Variants in SMYD3 observed in about 807,000 individuals in gnomAD.
The protein encoded by SMYD3 is histone-lysine N-methyltransferase SMYD3.
A neutral mutation model predicts 57.7 loss-of-function variants in SMYD3; 36 were observed. The observed-to-expected ratio is 0.62, with a 90% CI of 0.48 to 0.82. SMYD3 has a LOEUF of 0.82. Ranked by LOEUF, SMYD3 falls within the 40% of genes least tolerant of loss-of-function variation. The pLI is 0.00. For missense variants in SMYD3, 515 were observed against 538.8 expected (o/e 0.96, Z 0.44); for synonymous variants, 211 against 195.0 (o/e 1.08, Z -0.68).
chr1:246,471,299 A>G (rs112286200), intron 1 of SMYD3, among the ~76,000 whole-genome samples: 4 of 152,224 alleles, frequency 2.6e-5, no homozygotes, highest in African/African-American at 4.8e-5. Context: ...CCTGGGCTCA[A>G]GTGATCCTCC....
In SMYD3 at chr1:246,472,617, G is replaced by A. The variant is rs529440875; in HGVS notation, c.164+34437C>T. Among the ~76,000 whole-genome samples, 109 of 151,974 alleles carry A rather than the reference G, an allele frequency of 7.2e-4. 2 individuals are homozygous for A. The South Asian group carries it at 9.0e-3, about 13-fold the overall frequency. On this transcript the variant is annotated intron_variant, in intron 1 of 11. Coordinates refer to ENST00000490107, the MANE Select transcript of SMYD3 (RefSeq NM_001167740.2). ...AACTTAGCTGGGCATGCTGGCATGC[G>A]CCTGTAGTCCCAGCTACTGGGGAGG... is the stretch of plus-strand genomic sequence containing the variant.
intron 5 of SMYD3, among the ~76,000 whole-genome samples, chr1:246,215,425 TTGG>T (rs2148405465): frequency 6.6e-6 from 1 of 152,262 alleles, no homozygotes; most frequent in African/African-American, 2.4e-5. Flanking sequence ...TATTTCTTAC[TTGG>T]CGCTCATTAC....
At chr1:246,462,659 G>C (rs1252721283) in intron 1 of SMYD3, among the ~76,000 whole-genome samples, 3 of 152,156 alleles carry the variant, frequency 2.0e-5, no homozygotes, top group Non-Finnish European at 2.9e-5. Flanking sequence ...AGAAGGGTCA[G>C]AACTGGAGGG....
intron 11 of SMYD3, among the ~76,000 whole-genome samples, chr1:245,760,274 G>C (rs893313820): frequency 2.0e-5 from 3 of 152,162 alleles, no homozygotes; most frequent in Non-Finnish European, 1.5e-5. Flanking sequence ...TTATTTCCAG[G>C]GTTTCTAAGA....
intron 10 of SMYD3, among the ~76,000 whole-genome samples, chr1:245,779,704 C>T (rs2046754619): frequency 6.6e-6 from 1 of 152,132 alleles, no homozygotes; most frequent in African/African-American, 2.4e-5. Context: ...TGGCTAAAAT[C>T]AAACAAACTA....
chr1:246,136,698 C>T (rs2061670609), intron 5 of SMYD3, among the ~76,000 whole-genome samples: 1 of 152,096 alleles, frequency 6.6e-6, no homozygotes, highest in African/African-American at 2.4e-5. Context: ...AATGAACCAA[C>T]ATAGGAACCA....
chr1:245,817,407 C>G (rs1179092687), intron 10 of SMYD3, among the ~76,000 whole-genome samples: 2 of 148,472 alleles, frequency 1.3e-5, no homozygotes, highest in South Asian at 2.2e-4. Flanking sequence ...ACATCACCAT[C>G]ATCAAAGACC....
At chr1:246,107,204 G>A (rs542022524) in intron 5 of SMYD3, among the ~76,000 whole-genome samples, 4 of 151,278 alleles carry the variant, frequency 2.6e-5, no homozygotes, top group Admixed American at 6.6e-5. Context: ...GGAGAATGGT[G>A]TGAACCTGGG....
At chr1:245,823,317 G>C (rs551920975) in intron 10 of SMYD3, among the ~76,000 whole-genome samples, 1 of 137,310 alleles carries the variant, frequency 7.3e-6, no homozygotes, top group Non-Finnish European at 1.6e-5. Flanking sequence ...CCACACGTGC[G>C]TGTGCACACA....
intron 5 of SMYD3, among the ~76,000 whole-genome samples, chr1:246,227,576 C>A (rs1295757748): frequency 6.6e-6 from 1 of 151,886 alleles, no homozygotes; most frequent in Non-Finnish European, 1.5e-5. Context: ...GATTGCACAA[C>A]TGCACTCCAG....
At chr1:245,844,306 C>T (rs1558412854) in intron 10 of SMYD3, among the ~76,000 whole-genome samples, 1 of 152,170 alleles carries the variant, frequency 6.6e-6, no homozygotes, top group East Asian at 1.9e-4. Context: ...GTGATGGATA[C>T]ATGTACCCCA....
intron 5 of SMYD3, among the ~76,000 whole-genome samples, chr1:246,289,710 G>A (rs2064647868): frequency 6.6e-6 from 1 of 152,176 alleles, no homozygotes. Flanking sequence ...CTCAGTAAAT[G>A]TTACTGTTCG....
chr1:245,947,655 G>A (rs2147926396), intron 5 of SMYD3, among the ~76,000 whole-genome samples: 1 of 152,218 alleles, frequency 6.6e-6, no homozygotes. Flanking sequence ...ATACATGTGG[G>A]CCTTGGAATG....
At chr1:246,046,053 G>A (rs905136590) in intron 5 of SMYD3, among the ~76,000 whole-genome samples, 9 of 152,318 alleles carry the variant, frequency 5.9e-5, no homozygotes, top group South Asian at 4.1e-4. Flanking sequence ...CAACCATTGC[G>A]GAAGACAGTG....
At chr1:246,131,728 A>G (rs1458552173) in intron 5 of SMYD3, among the ~76,000 whole-genome samples, 1 of 152,240 alleles carries the variant, frequency 6.6e-6, no homozygotes, top group African/African-American at 2.4e-5. Flanking sequence ...TGATTTATGC[A>G]ATGATAAAGT....
intron 8 of SMYD3, among the ~76,000 whole-genome samples, chr1:245,890,605 C>A (rs906029142): frequency 1.3e-5 from 2 of 152,060 alleles, no homozygotes; most frequent in Non-Finnish European, 2.9e-5. Flanking sequence ...AAAAAGGGAA[C>A]CCTCGCACAC....
chr1:245,836,751 G>A (rs1013637144), intron 10 of SMYD3, among the ~76,000 whole-genome samples: 4 of 152,256 alleles, frequency 2.6e-5, no homozygotes, highest in South Asian at 4.1e-4. Flanking sequence ...GTCCCGACTC[G>A]GTTTCAGTGA....
chr1:245,768,640 C>T (rs2817499), intron 10 of SMYD3, among the ~76,000 whole-genome samples: 11,538 of 152,148 alleles, frequency 0.076, 1,512 homozygotes, highest in African/African-American at 0.26. Flanking sequence ...TTTGGAGGTC[C>T]GGCCTTTAAG....
chr1:246,191,841 C>T (rs1345100929), intron 5 of SMYD3, among the ~76,000 whole-genome samples: 1 of 152,162 alleles, frequency 6.6e-6, no homozygotes, highest in East Asian at 1.9e-4. Context: ...CACGGACCAA[C>T]AGCATCAGTA....
Sources: allele counts gnomAD v4.1 joint callset (sites outside exome capture counted in the v4.1 genomes callset), GRCh38; gene constraint gnomAD v4.1.1; transcripts MANE v1.5; gene names NCBI Gene and HGNC (gene_info 2026-07-23, HGNC 2026-07-21).